Variants in DNAJC10 observed in about 807,000 individuals in gnomAD.
The protein encoded by DNAJC10 is endoplasmic reticulum disulfide reductase DNAJC10.
In DNAJC10, 101 loss-of-function variants were observed where a neutral mutation model predicts 115.0. The ratio of observed to expected loss-of-function variants is 0.88; its 90% CI spans 0.75 to 1.04. The LOEUF is 1.04. Among genes scored for constraint, DNAJC10 ranks in the 50% least tolerant of loss-of-function variants. The probability of loss-of-function intolerance (pLI) is 0.00; values close to 1 mark genes in which losing one functional copy is unlikely to be tolerated. For synonymous variants in DNAJC10, 307 were observed against 301.5 expected (o/e 1.02, Z -0.19); for missense variants, 981 against 928.8 (o/e 1.06, Z -0.73).
In DNAJC10 at chr2:182,790,191, T is replaced by TGG. The variant is rs1695024449; in HGVS notation, c.*13059_*13060insGG. On this transcript the variant is annotated 3_prime_UTR_variant, in exon 24 of 24. Coordinates refer to ENST00000264065, the MANE Select transcript of DNAJC10 (RefSeq NM_018981.4). ...TAAGAAAAAGCTTTATTTAGTCCTA[T>TGG]ATTATTCTCTGATTATTCCATATGT... 1 of 152,228 alleles carries TGG rather than the reference T, an allele frequency of 6.6e-6. No homozygotes were observed. Among genetic ancestry groups the TGG allele is most frequent in the Non-Finnish European group, 1.5e-5 (1 of 68,036 alleles). 9.4% of individuals were successfully genotyped at this position (152,228 alleles called of 1,614,324 possible).
At position 182,788,658 on chromosome 2, in the gene DNAJC10, C is replaced by A. The variant is rs1040577540; in HGVS notation, c.*11526C>A. ...ATGGTCATATTTGTGTTCTTTTGTC[C>A]CAGAGAACAAAAGGAAGTGAGCTTA... On this transcript the variant is annotated 3_prime_UTR_variant, in exon 24 of 24. Transcript: ENST00000264065. 1 of 337,194 alleles carries A rather than the reference C, an allele frequency of 3.0e-6. No homozygotes were observed. The highest frequency in any genetic ancestry group is 4.3e-5 in the Admixed American group (1 of 23,522). The allele number at this position is 337,194 out of a possible 1,614,324, so 20.9% of individuals were successfully genotyped here.
chr2:182,759,047 C>A (rs1245824176), intron 20 of DNAJC10, 113 bp from the exon 21 acceptor site: 2 of 1,056,752 alleles, frequency 1.9e-6, no homozygotes, highest in Non-Finnish European at 2.7e-6. Context: ...TACTTTATTA[C>A]ATTGCCCTTC....
rs1168371522 is a variant in DNAJC10 at position 182,786,663 on chromosome 2, GTCCT to G, written c.*9534_*9537del. On this transcript the variant is annotated 3_prime_UTR_variant, in exon 24 of 24. Transcript: ENST00000264065. ...GCTTTGAATAGCCTTCCACCCTTGT[GTCCT>G]TCAAACCCCATTCTTGCCAAAGCCA... is the stretch of plus-strand genomic sequence containing the variant. The G allele has an allele frequency of 2.0e-5, 3 of 152,380 alleles. No individual in the cohort carries two copies. The highest frequency in any genetic ancestry group is 4.4e-5 in the Non-Finnish European group (3 of 68,124). 9.4% of individuals were successfully genotyped at this position (152,380 alleles called of 1,614,324 possible).
At position 182,721,920 on chromosome 2, in the gene DNAJC10, T is replaced by C. The variant is rs1013101006; in HGVS notation, c.368-105T>C. 7 of 616,028 alleles carry C rather than the reference T, an allele frequency of 1.1e-5. No individual in the cohort carries two copies. The African/African-American group carries it at 1.3e-4, about 12-fold the overall frequency. 38.2% of individuals were successfully genotyped at this position (616,028 alleles called of 1,614,324 possible). A position where few individuals can be genotyped will look rare whatever the true frequency, so the allele number is the denominator to read the frequency against. On this transcript the variant is annotated intron_variant, in intron 4 of 23. Coordinates refer to ENST00000264065, the MANE Select transcript of DNAJC10 (RefSeq NM_018981.4). ...TATTCTCTAAGTTTGAGATATAATA[T>C]AGTAGTTTGATTTTTTTGATGATTA...
intron 10 of DNAJC10, among the ~76,000 whole-genome samples, chr2:182,735,534 C>G (rs2105634539): frequency 6.6e-6 from 1 of 152,048 alleles, no homozygotes; most frequent in Non-Finnish European, 1.5e-5. Flanking sequence ...TTGAGATTAA[C>G]TGGACTTCTT....
Position 182,780,650 on chromosome 2 carries a change from C to G in DNAJC10, c.*3518C>G, listed in dbSNP as rs930259194. 6.6e-6 allele frequency: 1 copy of G among 152,124 alleles called. No homozygotes were observed. Among genetic ancestry groups the G allele is most frequent in the Non-Finnish European group, 1.5e-5 (1 of 68,018 alleles). The allele number at this position is 152,124 out of a possible 1,614,324, so 9.4% of individuals were successfully genotyped here. A position where few individuals can be genotyped will look rare whatever the true frequency, so the allele number is the denominator to read the frequency against. On this transcript the variant is annotated 3_prime_UTR_variant, in exon 24 of 24. Transcript: ENST00000264065. ...CTGAGTATAAATTACTAATCATACA[C>G]AAAAATGTGTTTCACTGGCTTGAGT... is the stretch of plus-strand genomic sequence containing the variant.
chr2:182,781,880 A>G lies in DNAJC10; in HGVS notation c.*4748A>G, dbSNP rs1336185162. The stretch of plus-strand genomic sequence containing the variant: ...CTTTGTCAGATGGATAGATTGCAAA[A>G]AGTTTCTCCCATTCTGTAGGTTGCC... On this transcript the variant is annotated 3_prime_UTR_variant, in exon 24 of 24. Coordinates refer to ENST00000264065, the MANE Select transcript of DNAJC10 (RefSeq NM_018981.4). The G allele has an allele frequency of 6.6e-6, 1 of 152,068 alleles. No homozygotes were observed. Among genetic ancestry groups the G allele is most frequent in the East Asian group, 1.9e-4 (1 of 5,186 alleles). 9.4% of individuals were successfully genotyped at this position (152,068 alleles called of 1,614,324 possible).
intron 4 of DNAJC10, among the ~76,000 whole-genome samples, chr2:182,721,521 G>A (rs1240745314): frequency 2.0e-5 from 3 of 152,056 alleles, no homozygotes; most frequent in Non-Finnish European, 2.9e-5. Flanking sequence ...AAGCTTTTTA[G>A]CAGAAGATAT....
intron 22 of DNAJC10, among the ~76,000 whole-genome samples, chr2:182,763,524 C>T (rs755581043): frequency 6.6e-6 from 1 of 152,056 alleles, no homozygotes; most frequent in African/African-American, 2.4e-5. Context: ...GAGGTCCAGT[C>T]GTGAGACACC....
At chr2:182,747,043 A>G (rs935972469) in intron 14 of DNAJC10, among the ~76,000 whole-genome samples, 224 of 152,218 alleles carry the variant, frequency 1.5e-3, no homozygotes, top group Non-Finnish European at 1.6e-3. Flanking sequence ...ATAGTTGTAT[A>G]TATGCGGCGT....
At chr2:182,716,945 CCT>C (rs1192618665) in intron 1 of DNAJC10, 69 bp from the exon 2 acceptor site, 1 of 152,130 alleles carries the variant, frequency 6.6e-6, no homozygotes, top group Non-Finnish European at 1.5e-5. Context: ...GAGACTATGC[CCT>C]CTCTTTTTCT....
intron 5 of DNAJC10, among the ~76,000 whole-genome samples, chr2:182,726,992 A>G (rs1379476292): frequency 6.6e-6 from 1 of 151,772 alleles, no homozygotes; most frequent in East Asian, 1.9e-4. Flanking sequence ...AAAAGGCTAG[A>G]TGACAAGCAT....
Position 182,784,178 on chromosome 2 carries a change from C to A in DNAJC10, c.*7046C>A, listed in dbSNP as rs1175989062. ...CCCATCTCTACTAAAAATACAAAAA[C>A]TAGCTGGGCATGGAGGTGTGTGCCT... is the stretch of plus-strand genomic sequence containing the variant. On this transcript the variant is annotated 3_prime_UTR_variant, in exon 24 of 24. Transcript: ENST00000264065. 2.0e-5 allele frequency: 3 copies of A among 151,820 alleles called. No individual in the cohort carries two copies. The highest frequency in any genetic ancestry group is 4.4e-5 in the Non-Finnish European group (3 of 67,966). 9.4% of individuals were successfully genotyped at this position (151,820 alleles called of 1,614,324 possible).
At chr2:182,766,684 G>A (rs570905788) in intron 22 of DNAJC10, among the ~76,000 whole-genome samples, 12 of 152,068 alleles carry the variant, frequency 7.9e-5, no homozygotes, top group Non-Finnish European at 1.6e-4. Flanking sequence ...ATGAGAACTT[G>A]CATATTAGGA....
chr2:182,776,233 T>C (rs1435228991), intron 23 of DNAJC10, among the ~76,000 whole-genome samples: 1 of 152,140 alleles, frequency 6.6e-6, no homozygotes, highest in Non-Finnish European at 1.5e-5. Context: ...TACTGGAGCC[T>C]CATAACACGT....
Position 182,777,238 on chromosome 2 carries a change from T to G in DNAJC10, c.*106T>G. On this transcript the variant is annotated 3_prime_UTR_variant, in exon 24 of 24. Transcript: ENST00000264065. Reference sequence around the variant, plus strand: ...ATGATGGGAATGAATGAACATTATCTTAGACTTGCAGTTGTACTGCCAGAA... The same window carrying G: ...ATGATGGGAATGAATGAACATTATCGTAGACTTGCAGTTGTACTGCCAGAA... The G allele has an allele frequency of 1.4e-6, 1 of 705,850 alleles. No homozygotes were observed. The highest frequency in any genetic ancestry group is 2.8e-4 in the Middle Eastern group (1 of 3,626). 43.7% of individuals were successfully genotyped at this position (705,850 alleles called of 1,614,324 possible).
rs1395082283 is a variant in DNAJC10 at position 182,786,494 on chromosome 2, G to A, written c.*9362G>A. On this transcript the variant is annotated 3_prime_UTR_variant, in exon 24 of 24. Transcript: ENST00000264065. ...TTGTCTAGTCAAACTAGACTGATGA[G>A]GTCTCACCATTTTCTTCAAGGAAGA... 6.6e-6 allele frequency: 1 copy of A among 152,046 alleles called. No homozygotes were observed. The highest frequency in any genetic ancestry group is 1.5e-5 in the Non-Finnish European group (1 of 68,018). The allele number at this position is 152,046 out of a possible 1,614,324, so 9.4% of individuals were successfully genotyped here.
At position 182,749,743 on chromosome 2, in the gene DNAJC10, G is replaced by A. The variant is rs1429924614; in HGVS notation, c.1307-1915G>A. Among the ~76,000 whole-genome samples, 5 of 152,142 alleles carry A rather than the reference G, an allele frequency of 3.3e-5. No homozygotes were observed. In the South Asian group the frequency reaches 6.2e-4, roughly 19 times the overall value. ...CAGTGGAGAGTATTTATTGTCTATT[G>A]CTTAGTAGTAAATTACCCCAAAACT... On this transcript the variant is annotated intron_variant, in intron 14 of 23. Transcript: ENST00000264065.
At chr2:182,723,922 A>G (rs1416396069) in intron 5 of DNAJC10, among the ~76,000 whole-genome samples, 1 of 152,224 alleles carries the variant, frequency 6.6e-6, no homozygotes, top group Non-Finnish European at 1.5e-5. Flanking sequence ...TGATGAGAGG[A>G]ATGAGCAGGA....
Sources: allele counts gnomAD v4.1 joint callset (sites outside exome capture counted in the v4.1 genomes callset), GRCh38; gene constraint gnomAD v4.1.1; transcripts MANE v1.5; gene names NCBI Gene and HGNC (gene_info 2026-07-23, HGNC 2026-07-21).